The following TENM4 variants were observed in gnomAD, a reference collection of about 807,000 sequenced individuals.
TENM4 encodes the protein teneurin transmembrane protein 4.
Under a neutral mutation model 243.3 loss-of-function variants are expected in TENM4, and 82 were observed. That is an observed-to-expected ratio of 0.34 (90% CI 0.28 to 0.40). TENM4 has a LOEUF of 0.40. TENM4 is among the 10% of genes least tolerant of loss of function. The pLI, the probability that TENM4 is intolerant of heterozygous loss-of-function variation, is 1.00. For synonymous variants in TENM4, 1,412 were observed against 1,456.3 expected (o/e 0.97, Z 0.69); for missense variants, 3,138 against 3,673.3 (o/e 0.85, Z 3.77).
chr11:79,261,288 G>T (rs909724686), intron 2 of TENM4, among the ~76,000 whole-genome samples: 1 of 152,196 alleles, frequency 6.6e-6, no homozygotes, highest in Non-Finnish European at 1.5e-5. Flanking sequence ...TAGCCTCCAT[G>T]CTTGTGTGTG....
intron 6 of TENM4, among the ~76,000 whole-genome samples, chr11:79,008,286 G>A (rs1858543813): frequency 6.6e-6 from 1 of 152,288 alleles, no homozygotes; most frequent in African/African-American, 2.4e-5. Flanking sequence ...CGGGTTTAAC[G>A]GGCTTCCTTA....
intron 2 of TENM4, among the ~76,000 whole-genome samples, chr11:79,275,349 C>T (rs955827457): frequency 1.3e-5 from 2 of 152,100 alleles, no homozygotes; most frequent in African/African-American, 4.8e-5. Flanking sequence ...CAAACATTTC[C>T]CCTGCAAAGT....
At chr11:78,993,727 A>T (rs918551052) in intron 6 of TENM4, among the ~76,000 whole-genome samples, 1 of 152,164 alleles carries the variant, frequency 6.6e-6, no homozygotes, top group African/African-American at 2.4e-5. Flanking sequence ...CCATTTCTCT[A>T]TGAAGATGTT....
intron 9 of TENM4, among the ~76,000 whole-genome samples, chr11:78,871,757 G>A (rs1012900617): frequency 2.6e-5 from 4 of 152,108 alleles, no homozygotes; most frequent in South Asian, 2.1e-4. Context: ...CCCACAGCAC[G>A]GGCCATGTCA....
intron 1 of TENM4, among the ~76,000 whole-genome samples, chr11:79,424,399 C>T (rs72935093): frequency 0.13 from 19,122 of 152,064 alleles, 1,576 homozygotes; most frequent in Non-Finnish European, 0.17. Context: ...CTCATGAGTT[C>T]GAGACCAGCC....
At chr11:79,138,452 A>G (rs1447673077) in intron 4 of TENM4, among the ~76,000 whole-genome samples, 2 of 116,636 alleles carry the variant, frequency 1.7e-5, no homozygotes, top group East Asian at 2.3e-4. Context: ...ATATTTATAT[A>G]TAATATATTT....
At chr11:78,883,778 C>A (rs1855488197) in intron 9 of TENM4, among the ~76,000 whole-genome samples, 1 of 152,198 alleles carries the variant, frequency 6.6e-6, no homozygotes, top group Admixed American at 6.5e-5. Context: ...CAAGTTTTGT[C>A]CTAGTTAGAG....
Position 78,676,160 on chromosome 11 carries a change from G to T in TENM4, c.5488C>A (p.Arg1830=), listed in dbSNP as rs1250643833. 3 of 1,512,368 alleles carry T rather than the reference G, an allele frequency of 2.0e-6. No homozygotes were observed. The highest frequency in any genetic ancestry group is 2.7e-6 in the Non-Finnish European group (3 of 1,118,132). The allele number at this position is 1,512,368 out of a possible 1,614,324, so 93.7% of individuals were successfully genotyped here. ...CCAGAGGCCTCGCTCACCCGCAGCC[G>T]GCGCCCAAAGACAGTGACCTGGCCC... is the stretch of plus-strand genomic sequence containing the variant. ...ARGQVTVFGR[R]LRVHNRNLLS... The change falls in exon 30 of 34, where the codon CGG becomes AGG. Residue 1830 remains arginine, a synonymous_variant. Coordinates refer to ENST00000278550, the MANE Select transcript of TENM4 (RefSeq NM_001098816.3).
Position 79,138,949 on chromosome 11 carries a change from T to C in TENM4, c.-66+9761A>G, listed in dbSNP as rs866678783. Among the ~76,000 whole-genome samples the C allele has an allele frequency of 8.5e-5, 9 of 106,418 alleles. No individual in the cohort carries two copies. In the South Asian group the frequency reaches 2.5e-3, roughly 29 times the overall value. The allele number at this position is 106,418 out of a possible 152,430, so 69.8% of individuals were successfully genotyped here. ...TTCCATAAATATATAAAATATATAT[T>C]ATATTTCCATAAATATATAAAATAT... is the stretch of plus-strand genomic sequence containing the variant. On this transcript the variant is annotated intron_variant, in intron 4 of 33. Transcript: ENST00000278550.
chr11:79,245,953 A>G (rs1394902504), intron 2 of TENM4, among the ~76,000 whole-genome samples: 1 of 151,022 alleles, frequency 6.6e-6, no homozygotes, highest in Non-Finnish European at 1.5e-5. Flanking sequence ...AAAAAAAAAA[A>G]AAAAAAAAAG....
chr11:79,070,513 G>T (rs1261130812), intron 4 of TENM4, among the ~76,000 whole-genome samples: 3 of 152,092 alleles, frequency 2.0e-5, no homozygotes, highest in Non-Finnish European at 4.4e-5. Flanking sequence ...TTTTGGAAAC[G>T]AGCTAAGGTA....
chr11:79,404,727 T>C (rs1417846332), intron 1 of TENM4, among the ~76,000 whole-genome samples: 2 of 152,134 alleles, frequency 1.3e-5, no homozygotes, highest in African/African-American at 4.8e-5. Context: ...GCACAAATGA[T>C]TGGAACATAC....
chr11:78,670,697 G>T, intron 31 of TENM4, 146 bp from the exon 32 acceptor site: 1 of 814,072 alleles, frequency 1.2e-6, no homozygotes, highest in Non-Finnish European at 1.9e-6. Flanking sequence ...TCCAACCAGA[G>T]CTCTCCAACA....
At chr11:79,431,035 CTTAGGTTAG>C (rs777035437) in intron 1 of TENM4, among the ~76,000 whole-genome samples, 1 of 152,092 alleles carries the variant, frequency 6.6e-6, no homozygotes, top group Non-Finnish European at 1.5e-5. Flanking sequence ...TGCCAATTTT[CTTAGGTTAG>C]TTCAATTAAT....
At chr11:79,183,858 G>A (rs1863333473) in intron 3 of TENM4, among the ~76,000 whole-genome samples, 1 of 152,132 alleles carries the variant, frequency 6.6e-6, no homozygotes, top group African/African-American at 2.4e-5. Flanking sequence ...AAAATAACAA[G>A]CATTGGCAAA....
At chr11:78,905,500 G>C (rs984712396) in intron 6 of TENM4, among the ~76,000 whole-genome samples, 4 of 152,112 alleles carry the variant, frequency 2.6e-5, no homozygotes, top group African/African-American at 9.7e-5. Context: ...CCCACACCTG[G>C]CTTATTAATA....
chr11:79,377,700 C>A lies in TENM4; in HGVS notation c.-321+62809G>T, dbSNP rs545962825. ...ACTATGTGCCAGTCACCAAGCTAAG[C>A]CTTCACTTGCAAGGGAAGTACTGGA... is the stretch of plus-strand genomic sequence containing the variant. On this transcript the variant is annotated intron_variant, in intron 1 of 33. Transcript: ENST00000278550. Among the ~76,000 whole-genome samples the A allele has an allele frequency of 3.9e-5, 6 of 152,290 alleles. No individual in the cohort carries two copies. The South Asian group carries it at 1.2e-3, about 32-fold the overall frequency.
intron 28 of TENM4, among the ~76,000 whole-genome samples, chr11:78,697,125 T>G (rs1032748708): frequency 1.3e-5 from 2 of 152,300 alleles, no homozygotes; most frequent in East Asian, 3.9e-4. Context: ...AAACTCCTGG[T>G]GGGATTTGTA....
At chr11:79,167,105 G>T (rs1224712791) in intron 3 of TENM4, among the ~76,000 whole-genome samples, 1 of 151,750 alleles carries the variant, frequency 6.6e-6, no homozygotes, top group Non-Finnish European at 1.5e-5. Flanking sequence ...CTGGGGAGAG[G>T]CGGTTCAGGC....
Sources: allele counts gnomAD v4.1 joint callset (sites outside exome capture counted in the v4.1 genomes callset), GRCh38; gene constraint gnomAD v4.1.1; transcripts MANE v1.5; gene names NCBI Gene and HGNC (gene_info 2026-07-23, HGNC 2026-07-21).